TPPP: variants seen among roughly 807,000 people sequenced by gnomAD.
TPPP encodes tubulin polymerization promoting protein, also known as tubulin polymerization-promoting protein.
A neutral mutation model predicts 15.5 loss-of-function variants in TPPP; 6 were observed. The ratio of observed to expected loss-of-function variants is 0.39; its 90% CI spans 0.21 to 0.77. The LOEUF (loss-of-function observed/expected upper bound fraction) is 0.77, where lower values mean the gene tolerates loss of function less well. TPPP is among the 30% of genes least tolerant of loss of function. The pLI is 0.42. For missense variants in TPPP, 269 were observed against 307.2 expected, an observed-to-expected ratio of 0.88 and a Z score of 0.93; for synonymous variants, 146 against 133.9, an observed-to-expected ratio of 1.09 and a Z score of -0.63.
upstream of TPPP, among the ~76,000 whole-genome samples, chr5:694,302 G>A (rs576911703): frequency 7.3e-3 from 1,077 of 148,426 alleles, 14 homozygotes; most frequent in South Asian, 0.02. Context: ...GGGGCATAGG[G>A]GCACCTGCCC....
intron 2 of TPPP, among the ~76,000 whole-genome samples, chr5:673,744 G>A (rs1740304673): frequency 6.6e-6 from 1 of 152,254 alleles, no homozygotes; most frequent in Non-Finnish European, 1.5e-5. Flanking sequence ...GCTGGAGCAG[G>A]GGGCCAAGCT....
At chr5:685,085 A>G (rs370799) in intron 1 of TPPP, among the ~76,000 whole-genome samples, 54,754 of 152,094 alleles carry the variant, frequency 0.36, 10,207 homozygotes, top group East Asian at 0.56. Flanking sequence ...TGCCCGGTCC[A>G]GAGAGGTCAC....
chr5:676,835 TGCACACACGACACAGAAACGC>T (rs1295034163), intron 2 of TPPP, among the ~76,000 whole-genome samples: 7 of 104,032 alleles, frequency 6.7e-5, no homozygotes, highest in East Asian at 2.3e-4. Flanking sequence ...TGCGCACACG[TGCACACACGACACAGAAACGC>T]GCACACACGA....
At chr5:693,398 C>A (rs997232244), upstream of TPPP, 1 of 144,742 alleles carries the variant, frequency 6.9e-6, no homozygotes, top group African/African-American at 2.5e-5. Flanking sequence ...CACCGCCCAG[C>A]CCCGCCCAGC....
intron 2 of TPPP, among the ~76,000 whole-genome samples, chr5:676,838 A>G (rs1370017773): frequency 2.0e-5 from 2 of 101,444 alleles, no homozygotes; most frequent in African/African-American, 2.7e-4. Context: ...GCACACGTGC[A>G]CACACGACAC....
chr5:694,223 T>C (rs1195440858), upstream of TPPP, among the ~76,000 whole-genome samples: 2 of 151,552 alleles, frequency 1.3e-5, no homozygotes, highest in Non-Finnish European at 3.0e-5. Flanking sequence ...TCCGCAGGAG[T>C]TGGCTCCCCA....
At chr5:675,213 CGGGGGTGCAGTGTGGCT>C (rs1161522933) in intron 2 of TPPP, among the ~76,000 whole-genome samples, 1 of 44,992 alleles carries the variant, frequency 2.2e-5, no homozygotes, top group East Asian at 7.8e-4. Flanking sequence ...TCAGTGTAGC[CGGGGGTGCAGTGTGGCT>C]GGGGGTGCAG....
chr5:698,409 G>A, the TPPP span, among the ~76,000 whole-genome samples: 1 of 151,976 alleles, frequency 6.6e-6, no homozygotes, highest in Non-Finnish European at 1.5e-5. Flanking sequence ...ATTCTACATA[G>A]AAAACCCTGA....
At position 692,826 on chromosome 5, in the gene TPPP, A is replaced by G. The variant is rs4990984; in HGVS notation, c.-5+452T>C. 18,013 of 921,890 alleles carry G rather than the reference A, an allele frequency of 0.02. 2,780 individuals are homozygous for G. In the African/African-American group the frequency reaches 0.3, roughly 15 times the overall value. 57.1% of individuals were successfully genotyped at this position (921,890 alleles called of 1,614,324 possible). A position where few individuals can be genotyped will look rare whatever the true frequency, so the allele number is the denominator to read the frequency against. On this transcript the variant is annotated intron_variant, in intron 1 of 3. Transcript: ENST00000360578. ...CTCTCAAAACCTGCTGCGGGCAGTG[A>G]CTTCATTCCAGCCCTCCACGCCCTA...
At chr5:686,532 C>T (rs550348362) in intron 1 of TPPP, among the ~76,000 whole-genome samples, 36 of 147,554 alleles carry the variant, frequency 2.4e-4, no homozygotes, top group African/African-American at 4.9e-4. Context: ...CTCGGGGCTC[C>T]GGGTCCAGGG....
rs572033860 is a variant in TPPP at position 668,378 on chromosome 5, G to A, written c.312-2255C>T. Among the ~76,000 whole-genome samples, 5 of 103,306 alleles carry A rather than the reference G, an allele frequency of 4.8e-5. 1 individual carries two copies. Among genetic ancestry groups the A allele is most frequent in the African/African-American group, 2.1e-4 (5 of 23,610 alleles). The allele number at this position is 103,306 out of a possible 152,430, so 67.8% of individuals were successfully genotyped here. A position where few individuals can be genotyped will look rare whatever the true frequency, so the allele number is the denominator to read the frequency against. On this transcript the variant is annotated intron_variant, in intron 2 of 3. Transcript: ENST00000360578. ...ACAAGCACACTGGAGAGGGGTCCGCGTGGGCCTCGTCAGGGAAGTACCGAC... is the reference window on the plus strand; with the variant it reads ...ACAAGCACACTGGAGAGGGGTCCGCATGGGCCTCGTCAGGGAAGTACCGAC...
chr5:668,515 G>T (rs1258544428), intron 2 of TPPP, among the ~76,000 whole-genome samples: 1 of 152,076 alleles, frequency 6.6e-6, no homozygotes, highest in Non-Finnish European at 1.5e-5. Flanking sequence ...CCACAGCGAG[G>T]CCCCTGCACA....
Position 664,187 on chromosome 5 carries a change from G to A in TPPP, c.*915C>T, listed in dbSNP as rs375191867. 6.5e-6 allele frequency: 1 copy of A among 152,862 alleles called. No homozygotes were observed. Among genetic ancestry groups the A allele is most frequent in the East Asian group, 1.9e-4 (1 of 5,324 alleles). 9.5% of individuals were successfully genotyped at this position (152,862 alleles called of 1,614,324 possible). On this transcript the variant is annotated 3_prime_UTR_variant, in exon 4 of 4. Transcript: ENST00000360578. ...AATGGGAGGTCTGCGAGCAAACAGG[G>A]TGCAGCTAGTGAGGACGGGCGAACG...
upstream of TPPP, among the ~76,000 whole-genome samples, chr5:693,893 G>A (rs1740967619): frequency 6.7e-6 from 1 of 149,440 alleles, no homozygotes; most frequent in Non-Finnish European, 1.5e-5. Context: ...CGGACCCCAA[G>A]GCGGGGCGCA....
intron 2 of TPPP, among the ~76,000 whole-genome samples, chr5:669,142 T>C (rs1211689057): frequency 6.6e-6 from 1 of 152,190 alleles, no homozygotes; most frequent in Non-Finnish European, 1.5e-5. Context: ...GGCCTCGCTG[T>C]GTCCGGAGGG....
chr5:696,991 T>C (rs1741025058), upstream of TPPP, among the ~76,000 whole-genome samples: 1 of 145,536 alleles, frequency 6.9e-6, no homozygotes, highest in South Asian at 2.3e-4. Flanking sequence ...TGTGTGCATG[T>C]GTCTGTGTGC....
In TPPP at chr5:678,038, G is replaced by A; in HGVS notation, c.23C>T (p.Ala8Val). The part of the protein sequence containing the change: MADKAKP[A>V]KAANRTPPKS... The stretch of plus-strand genomic sequence containing the variant: ...GGGGGGCGTCCTGTTGGCAGCTTTG[G>A]CAGGCTTGGCCTTGTCAGCCATGTT... The change falls in exon 2 of 4, where the codon GCC becomes GTC. Residue 8 changes from alanine (A) to valine (V), a missense_variant. Ala to Val is a moderately conservative substitution (Grantham distance 64). Coordinates refer to ENST00000360578, the MANE Select transcript of TPPP (RefSeq NM_007030.3). 6.3e-7 allele frequency: 1 copy of A among 1,585,030 alleles called. No homozygotes were observed. The highest frequency in any genetic ancestry group is 8.6e-7 in the Non-Finnish European group (1 of 1,166,090).
chr5:665,483 G>T (rs1739858214), intron 3 of TPPP, among the ~76,000 whole-genome samples, 187 bp from the exon 4 acceptor site: 1 of 152,030 alleles, frequency 6.6e-6, no homozygotes. Context: ...CCTTGGGCCT[G>T]CGGGGTGCCA....
intron 1 of TPPP, among the ~76,000 whole-genome samples, chr5:683,291 A>C (rs1280530394): frequency 9.5e-5 from 7 of 73,632 alleles, no homozygotes; most frequent in Middle Eastern, 7.4e-3. Flanking sequence ...CTGCGGAGAA[A>C]GACACTCTGA....
Sources: allele counts gnomAD v4.1 joint callset (sites outside exome capture counted in the v4.1 genomes callset), GRCh38; gene constraint gnomAD v4.1.1; transcripts MANE v1.5; gene names NCBI Gene and HGNC (gene_info 2026-07-23, HGNC 2026-07-21).